Variants in TMEM182 observed in about 807,000 individuals in gnomAD.
TMEM182 encodes transmembrane protein 182.
Under a neutral mutation model 26.8 loss-of-function variants are expected in TMEM182, and 20 were observed. That is an observed-to-expected ratio of 0.75 (90% CI 0.53 to 1.09). The LOEUF (loss-of-function observed/expected upper bound fraction) is 1.09. TMEM182 is among the 50% of genes least tolerant of loss of function. The pLI is 0.00. For missense variants in TMEM182, 277 were observed against 275.5 expected (o/e 1.01, Z -0.04); for synonymous variants, 109 against 102.2 (o/e 1.07, Z -0.40).
At chr2:102,806,614 A>G (rs1211310736) in intron 4 of TMEM182, among the ~76,000 whole-genome samples, 1 of 152,212 alleles carries the variant, frequency 6.6e-6, no homozygotes, top group African/African-American at 2.4e-5. Flanking sequence ...AGAAGATTTC[A>G]GAGAGTAACA....
At chr2:102,774,250 C>T (rs868755199) in intron 3 of TMEM182, among the ~76,000 whole-genome samples, 7 of 96,132 alleles carry the variant, frequency 7.3e-5, no homozygotes, top group East Asian at 3.2e-4. Flanking sequence ...TTCTTTCTTT[C>T]TTTTTTTTTT....
At chr2:102,808,618 GTTAGAACATCACAAAACGGTATA>G (rs1319336653) in intron 4 of TMEM182, among the ~76,000 whole-genome samples, 1 of 152,146 alleles carries the variant, frequency 6.6e-6, no homozygotes, top group African/African-American at 2.4e-5. Flanking sequence ...TCATGTATGA[GTTAGAACATCACAAAACGGTATA>G]TTCCCAGTAG....
chr2:102,834,417 A>AACT, intron 3 of TMEM182: 1 of 985,284 alleles, frequency 1.0e-6, no homozygotes, highest in Non-Finnish European at 1.2e-6. Flanking sequence ...AGAAATCTAG[A>AACT]AGATGGGGGG....
intron 3 of TMEM182, among the ~76,000 whole-genome samples, chr2:102,787,387 T>C (rs1176260683): frequency 6.6e-6 from 1 of 151,666 alleles, no homozygotes. Context: ...ATGAACTCTC[T>C]CCTCCTCTTC....
At chr2:102,779,518 C>G (rs763505900) in intron 3 of TMEM182, among the ~76,000 whole-genome samples, 5 of 152,028 alleles carry the variant, frequency 3.3e-5, no homozygotes, top group Non-Finnish European at 7.4e-5. Context: ...TTTTTTAAGT[C>G]TATTTTCTTT....
chr2:102,826,145 A>G (rs997302426), intron 3 of TMEM182, among the ~76,000 whole-genome samples: 3 of 152,012 alleles, frequency 2.0e-5, no homozygotes, highest in Non-Finnish European at 4.4e-5. Flanking sequence ...GCCATGACTC[A>G]CAACATTTAT....
intron 3 of TMEM182, among the ~76,000 whole-genome samples, chr2:102,784,356 C>CT (rs11445295): frequency 0.31 from 45,390 of 147,496 alleles, 6,949 homozygotes; most frequent in South Asian, 0.42. Context: ...GTTTTTCTAC[C>CT]TTTTTTTTTT....
At position 102,794,527 on chromosome 2, in the gene TMEM182, A is replaced by G. The variant is rs1452532732; in HGVS notation, c.332-3336A>G. ...ACATTCTACTCTTTCCTTCTTCACA[A>G]ATGGCTTCACCCTACCCTTCTTTCT... On this transcript the variant is annotated intron_variant, in intron 3 of 4. Coordinates refer to ENST00000412401, the MANE Select transcript of TMEM182 (RefSeq NM_144632.5). Among the ~76,000 whole-genome samples the G allele has an allele frequency of 2.6e-5, 4 of 152,152 alleles. 1 individual carries two copies. Among genetic ancestry groups the G allele is most frequent in the Admixed American group, 2.6e-4 (4 of 15,280 alleles).
intron 1 of TMEM182, among the ~76,000 whole-genome samples, chr2:102,738,043 C>T (rs574849849): frequency 1.3e-5 from 2 of 152,296 alleles, no homozygotes; most frequent in South Asian, 2.1e-4. Flanking sequence ...AACTGTCAAT[C>T]GTGAACCCCC....
intron 3 of TMEM182, among the ~76,000 whole-genome samples, chr2:102,792,580 A>G (rs748763116): frequency 1.7e-4 from 26 of 152,348 alleles, no homozygotes; most frequent in Non-Finnish European, 2.8e-4. Context: ...TAATTCTGCA[A>G]TCAAAGTATG....
intron 3 of TMEM182, chr2:102,834,309 CATT>C: frequency 1.2e-6 from 1 of 844,848 alleles, no homozygotes; most frequent in Non-Finnish European, 1.4e-6. Flanking sequence ...AACCCTCATC[CATT>C]TACCATCTTA....
intron 3 of TMEM182, among the ~76,000 whole-genome samples, chr2:102,790,638 GT>G (rs1460985936): frequency 6.6e-6 from 1 of 152,064 alleles, no homozygotes; most frequent in African/African-American, 2.4e-5. Context: ...TTGTCCTGTA[GT>G]TTTTGGTTAT....
At chr2:102,745,125 T>C (rs1011417020) in intron 1 of TMEM182, among the ~76,000 whole-genome samples, 1 of 151,882 alleles carries the variant, frequency 6.6e-6, no homozygotes, top group Non-Finnish European at 1.5e-5. Context: ...CTTTTTTCTT[T>C]ATGTTTTTTT....
At chr2:102,828,023 A>G (rs1200095160) in intron 3 of TMEM182, among the ~76,000 whole-genome samples, 1 of 152,132 alleles carries the variant, frequency 6.6e-6, no homozygotes, top group Non-Finnish European at 1.5e-5. Context: ...CCTAGGAGGC[A>G]AAGGTTGCAG....
chr2:102,788,033 T>C (rs1359990762), intron 3 of TMEM182, among the ~76,000 whole-genome samples: 1 of 152,214 alleles, frequency 6.6e-6, no homozygotes, highest in East Asian at 1.9e-4. Context: ...CCAGTGGGCT[T>C]TATTTTTTAA....
chr2:102,743,588 G>T (rs1299746731), intron 1 of TMEM182, among the ~76,000 whole-genome samples: 1 of 152,144 alleles, frequency 6.6e-6, no homozygotes, highest in Non-Finnish European at 1.5e-5. Context: ...GTAGAAGACA[G>T]TAACAGATAT....
At chr2:102,736,937 C>T in exon 1 of TMEM182, 1 of 1,238,326 alleles carries the variant, frequency 8.1e-7, no homozygotes. Flanking sequence ...TACCTGGCAG[C>T]TCCGCGGGTG....
At chr2:102,787,617 G>A (rs1424684854) in intron 3 of TMEM182, among the ~76,000 whole-genome samples, 1 of 152,136 alleles carries the variant, frequency 6.6e-6, no homozygotes, top group Non-Finnish European at 1.5e-5. Context: ...CTTGAAGGAT[G>A]GTAATAACTT....
chr2:102,798,352 T>C (rs1313353385), intron 4 of TMEM182, among the ~76,000 whole-genome samples: 1 of 152,178 alleles, frequency 6.6e-6, no homozygotes, highest in African/African-American at 2.4e-5. Context: ...TGTTAACCTC[T>C]TACCCTATTA....
Sources: gnomAD v4.1 joint callset for allele counts (sites outside exome capture counted in the v4.1 genomes callset) on GRCh38, gnomAD v4.1.1 for gene constraint, MANE v1.5 for transcripts, NCBI Gene and HGNC (gene_info 2026-07-23, HGNC 2026-07-21) for gene names.